The following RACGAP1 variants were observed in gnomAD, a reference collection of about 807,000 sequenced individuals.
RACGAP1 encodes the protein Rac GTPase activating protein 1.
In RACGAP1, 30 loss-of-function variants were observed where a neutral mutation model predicts 78.1. That is an observed-to-expected ratio of 0.38 (90% CI 0.29 to 0.52). The LOEUF (loss-of-function observed/expected upper bound fraction) is 0.52. RACGAP1 is among the 20% of genes least tolerant of loss of function. The pLI is 0.82. For missense variants in RACGAP1, 587 were observed against 777.1 expected (o/e 0.76, Z 2.91); for synonymous variants, 231 against 264.8 (o/e 0.87, Z 1.24).
intron 2 of RACGAP1, among the ~76,000 whole-genome samples, chr12:50,011,331 C>CAAAAAAAAAAAAAAAAAA (rs34796842): frequency 1.4e-5 from 1 of 71,486 alleles, no homozygotes; most frequent in Non-Finnish European, 3.2e-5. Flanking sequence ...GAGACTGTCT[C>CAAAAAAAAAAAAAAAAAA]AAAAAAAAAA....
intron 2 of RACGAP1, 88 bp downstream of exon 2, chr12:50,016,543 T>G: frequency 7.1e-7 from 1 of 1,405,580 alleles, no homozygotes; most frequent in East Asian, 2.3e-5. Flanking sequence ...GGAAAACAAC[T>G]TTAAGATTGG....
intron 8 of RACGAP1, 40 bp from the exon 9 acceptor site, chr12:49,999,311 T>C: frequency 6.4e-7 from 1 of 1,571,236 alleles, no homozygotes; most frequent in Non-Finnish European, 8.6e-7. Flanking sequence ...GTCTTAAGTA[T>C]TTTGCTCCTT....
intron 9 of RACGAP1, 61 bp downstream of exon 9, chr12:49,999,080 C>T: frequency 1.3e-6 from 2 of 1,511,198 alleles, no homozygotes; most frequent in Non-Finnish European, 1.8e-6. Flanking sequence ...TAACTTTATT[C>T]CTGGTATTTA....
chr12:50,010,823 T>A (rs1330382366), intron 2 of RACGAP1, among the ~76,000 whole-genome samples: 1 of 151,390 alleles, frequency 6.6e-6, no homozygotes, highest in Admixed American at 6.6e-5. Context: ...TTCCAGCTAC[T>A]CGGGAGGCTG....
chr12:50,011,041 CTAAGAAGAG>C (rs1949292859), intron 2 of RACGAP1, among the ~76,000 whole-genome samples: 1 of 151,668 alleles, frequency 6.6e-6, no homozygotes, highest in Non-Finnish European at 1.5e-5. Context: ...TCCTAAGGAT[CTAAGAAGAG>C]TACAGGCTGG....
intron 2 of RACGAP1, among the ~76,000 whole-genome samples, chr12:50,012,632 A>G (rs1949417497): frequency 6.7e-6 from 1 of 150,324 alleles, no homozygotes; most frequent in Non-Finnish European, 1.5e-5. Flanking sequence ...GGTGGCAGAC[A>G]CCTGAAATCC....
chr12:50,025,652 G>T, upstream of RACGAP1: 1 of 681,896 alleles, frequency 1.5e-6, no homozygotes, highest in Non-Finnish European at 1.8e-6. Flanking sequence ...AATGTCAACG[G>T]TTTTTCGGTT....
intron 10 of RACGAP1, among the ~76,000 whole-genome samples, chr12:49,995,445 G>T (rs1358372632): frequency 6.6e-6 from 1 of 152,056 alleles, no homozygotes; most frequent in Non-Finnish European, 1.5e-5. Context: ...TTGCTGAAGA[G>T]TAGGTAGGAA....
At chr12:50,024,659 A>T (rs954663969) in intron 1 of RACGAP1, among the ~76,000 whole-genome samples, 15 of 152,092 alleles carry the variant, frequency 9.9e-5, no homozygotes, top group Admixed American at 2.6e-4. Context: ...ATATACAAAA[A>T]TTTTTTTAAG....
At chr12:50,021,139 T>TC in intron 1 of RACGAP1, 2 of 980,604 alleles carry the variant, frequency 2.0e-6, no homozygotes, top group Non-Finnish European at 2.4e-6. Flanking sequence ...CTTGTTTATT[T>TC]CCCCCCATGT....
chr12:50,009,295 T>A (rs752951908), intron 2 of RACGAP1, among the ~76,000 whole-genome samples: 2 of 151,766 alleles, frequency 1.3e-5, no homozygotes, highest in Non-Finnish European at 2.9e-5. Flanking sequence ...AGTACCTCCT[T>A]TAAAAAGTTA....
At chr12:50,017,384 G>C (rs960786582) in intron 1 of RACGAP1, among the ~76,000 whole-genome samples, 1 of 152,202 alleles carries the variant, frequency 6.6e-6, no homozygotes, top group Non-Finnish European at 1.5e-5. Flanking sequence ...TGGCATCAGA[G>C]AGACAATACA....
chr12:49,997,635 G>A lies in RACGAP1; in HGVS notation c.880-431C>T, dbSNP rs573270801. Among the ~76,000 whole-genome samples the A allele has an allele frequency of 3.7e-3, 557 of 149,168 alleles. 5 individuals are homozygous for A. Among genetic ancestry groups the A allele is most frequent in the African/African-American group, 0.013 (522 of 40,468 alleles). ...GTTGCCCAGGCTGGAGTGCAATGGCGTGGTAGAGGTTGGCTCACTGCAACC... is the reference window on the plus strand; with the variant it reads ...GTTGCCCAGGCTGGAGTGCAATGGCATGGTAGAGGTTGGCTCACTGCAACC... On this transcript the variant is annotated intron_variant, in intron 9 of 16. Transcript: ENST00000312377.
chr12:49,992,997 T>C (rs547487933), intron 12 of RACGAP1, among the ~76,000 whole-genome samples: 25 of 152,284 alleles, frequency 1.6e-4, no homozygotes, highest in African/African-American at 5.8e-4. Flanking sequence ...GTACAAGTGC[T>C]GAGGATAAAG....
At chr12:49,997,734 C>T (rs1183701155) in intron 9 of RACGAP1, among the ~76,000 whole-genome samples, 3 of 151,944 alleles carry the variant, frequency 2.0e-5, no homozygotes, top group Non-Finnish European at 1.5e-5. Context: ...TGCGCCACCA[C>T]GCCCGGCTAA....
At chr12:49,995,722 TG>T (rs1948219905) in intron 10 of RACGAP1, among the ~76,000 whole-genome samples, 1 of 152,194 alleles carries the variant, frequency 6.6e-6, no homozygotes, top group Middle Eastern at 3.4e-3. Flanking sequence ...CTCAAACTCT[TG>T]GGCTCAAGTG....
At chr12:50,016,493 C>G (rs1224379265) in intron 2 of RACGAP1, 138 bp downstream of exon 2, 11 of 856,326 alleles carry the variant, frequency 1.3e-5, no homozygotes, top group Non-Finnish European at 2.1e-5. Context: ...AGGCTTTGAC[C>G]ACGTAAGTGA....
chr12:50,028,690 C>A (rs1222893142), upstream of RACGAP1, among the ~76,000 whole-genome samples: 2 of 151,488 alleles, frequency 1.3e-5, no homozygotes, highest in Non-Finnish European at 2.9e-5. Flanking sequence ...GAGAATTGGT[C>A]GAACCTGGGA....
At chr12:49,996,833 G>A (rs1425409017) in intron 10 of RACGAP1, among the ~76,000 whole-genome samples, 3 of 151,656 alleles carry the variant, frequency 2.0e-5, no homozygotes, top group African/African-American at 7.3e-5. Flanking sequence ...AAGGAAAAAG[G>A]GGCGGGGAAA....
Sources: gnomAD v4.1 joint callset for allele counts (sites outside exome capture counted in the v4.1 genomes callset) on GRCh38, gnomAD v4.1.1 for gene constraint, MANE v1.5 for transcripts, NCBI Gene and HGNC (gene_info 2026-07-23, HGNC 2026-07-21) for gene names.